DOK6: variants seen among roughly 807,000 people sequenced by gnomAD.
The protein encoded by DOK6 is downstream of tyrosine kinase 6.
A neutral mutation model predicts 44.0 loss-of-function variants in DOK6; 22 were observed. The observed-to-expected ratio is 0.50, with a 90% CI of 0.36 to 0.71. DOK6 has a LOEUF of 0.71. Among genes scored for constraint, DOK6 ranks in the 30% least tolerant of loss-of-function variants. DOK6 has a pLI of 0.00. For synonymous variants in DOK6, 166 were observed against 145.5 expected (o/e 1.14, Z -1.01); for missense variants, 340 against 416.4 (o/e 0.82, Z 1.60).
chr18:69,645,312 T>C (rs1254806463), intron 3 of DOK6, among the ~76,000 whole-genome samples: 4 of 152,204 alleles, frequency 2.6e-5, no homozygotes, highest in Non-Finnish European at 5.9e-5. Context: ...CGAACCTGTT[T>C]TCCATCTCTC....
intron 6 of DOK6, among the ~76,000 whole-genome samples, chr18:69,747,704 A>C (rs1979035427): frequency 6.6e-6 from 1 of 152,124 alleles, no homozygotes; most frequent in Non-Finnish European, 1.5e-5. Flanking sequence ...TACCTTGAGC[A>C]AATTCTTGAA....
Position 69,842,861 on chromosome 18 carries a change from A to G in DOK6, c.*1478A>G, listed in dbSNP as rs1459520094. 6.6e-6 allele frequency: 1 copy of G among 152,198 alleles called. No homozygotes were observed. The highest frequency in any genetic ancestry group is 1.5e-5 in the Non-Finnish European group (1 of 68,020). 9.4% of individuals were successfully genotyped at this position (152,198 alleles called of 1,614,324 possible). A position where few individuals can be genotyped will look rare whatever the true frequency, so the allele number is the denominator to read the frequency against. The stretch of plus-strand genomic sequence containing the variant: ...ATACTCTAGGGTGGGTTTAAAGAAC[A>G]GTGAGCTCAGGTCACGCAAGATGAA... On this transcript the variant is annotated 3_prime_UTR_variant, in exon 8 of 8. Coordinates refer to ENST00000382713, the MANE Select transcript of DOK6 (RefSeq NM_152721.6).
chr18:69,808,505 T>C (rs780538456), intron 7 of DOK6, among the ~76,000 whole-genome samples: 4 of 151,838 alleles, frequency 2.6e-5, no homozygotes, highest in Non-Finnish European at 5.9e-5. Context: ...GTTGGTTGTT[T>C]TTGAAAGATA....
At chr18:69,526,344 A>T (rs542014080) in intron 1 of DOK6, among the ~76,000 whole-genome samples, 12 of 152,306 alleles carry the variant, frequency 7.9e-5, no homozygotes, top group African/African-American at 2.9e-4. Flanking sequence ...GTCAGCTTTT[A>T]TAACTGACTC....
intron 1 of DOK6, among the ~76,000 whole-genome samples, chr18:69,521,004 C>G (rs1981669889): frequency 6.6e-6 from 1 of 151,808 alleles, no homozygotes; most frequent in Non-Finnish European, 1.5e-5. Flanking sequence ...ATGGTAATAA[C>G]AGTAAAGATT....
chr18:69,832,658 G>A (rs897934679), intron 7 of DOK6: 1 of 151,814 alleles, frequency 6.6e-6, no homozygotes, highest in East Asian at 1.9e-4. Flanking sequence ...CTTTTCTTTG[G>A]TGGAAGACTT....
At chr18:69,439,007 G>C (rs1336793167) in intron 1 of DOK6, among the ~76,000 whole-genome samples, 1 of 152,132 alleles carries the variant, frequency 6.6e-6, no homozygotes, top group Non-Finnish European at 1.5e-5. Context: ...GGGAGATGGA[G>C]GCTGCATTGA....
At chr18:69,512,887 G>A (rs1187139418) in intron 1 of DOK6, among the ~76,000 whole-genome samples, 2 of 152,224 alleles carry the variant, frequency 1.3e-5, no homozygotes, top group Admixed American at 6.5e-5. Flanking sequence ...AAACTGGTAT[G>A]TGGATTGCAG....
chr18:69,528,179 A>C (rs560228545), intron 1 of DOK6, among the ~76,000 whole-genome samples: 6 of 151,794 alleles, frequency 4.0e-5, no homozygotes, highest in African/African-American at 1.2e-4. Context: ...AAAAAAAAAA[A>C]AGCTTCACCT....
intron 3 of DOK6, among the ~76,000 whole-genome samples, chr18:69,624,607 C>G (rs1984514580): frequency 6.6e-6 from 1 of 152,040 alleles, no homozygotes; most frequent in African/African-American, 2.4e-5. Flanking sequence ...AAAAGCTAAG[C>G]CAGAGATGTA....
chr18:69,625,104 C>T (rs1984528162), intron 3 of DOK6, among the ~76,000 whole-genome samples: 2 of 151,976 alleles, frequency 1.3e-5, no homozygotes, highest in African/African-American at 4.8e-5. Flanking sequence ...TGGCATCTTC[C>T]GTGTCCTTAA....
intron 3 of DOK6, among the ~76,000 whole-genome samples, chr18:69,633,675 A>G (rs967371844): frequency 2.2e-4 from 33 of 152,190 alleles, no homozygotes; most frequent in African/African-American, 8.0e-4. Flanking sequence ...AACTTATGAA[A>G]CAGAAGTTTA....
At chr18:69,560,587 T>A (rs1982805042) in intron 1 of DOK6, among the ~76,000 whole-genome samples, 1 of 151,698 alleles carries the variant, frequency 6.6e-6, no homozygotes, top group Admixed American at 6.6e-5. Flanking sequence ...TTGAAAACTT[T>A]AAAACTATAC....
chr18:69,508,175 A>G (rs1002989600), intron 1 of DOK6, among the ~76,000 whole-genome samples: 7 of 152,280 alleles, frequency 4.6e-5, no homozygotes, highest in African/African-American at 1.7e-4. Flanking sequence ...ATAGCCTTCA[A>G]TGTTGAACCA....
At chr18:69,459,860 T>C (rs1322816785) in intron 1 of DOK6, among the ~76,000 whole-genome samples, 5 of 152,198 alleles carry the variant, frequency 3.3e-5, no homozygotes, top group Admixed American at 6.5e-5. Context: ...CCCAACCCAA[T>C]TTTGGTGTTA....
intron 5 of DOK6, among the ~76,000 whole-genome samples, chr18:69,731,801 A>G (rs1344823232): frequency 1.3e-5 from 2 of 152,222 alleles, no homozygotes; most frequent in African/African-American, 4.8e-5. Flanking sequence ...TGGCAGTTAA[A>G]TTCACGTTAA....
intron 7 of DOK6, among the ~76,000 whole-genome samples, chr18:69,762,842 A>G (rs1261497298): frequency 6.6e-6 from 1 of 152,224 alleles, no homozygotes; most frequent in African/African-American, 2.4e-5. Flanking sequence ...ACACACGTAA[A>G]GATTGACATA....
At chr18:69,766,122 A>T (rs572946559) in intron 7 of DOK6, among the ~76,000 whole-genome samples, 1 of 152,344 alleles carries the variant, frequency 6.6e-6, no homozygotes, top group African/African-American at 2.4e-5. Context: ...TTGTAGCAAC[A>T]TGGATGTAGC....
intron 3 of DOK6, among the ~76,000 whole-genome samples, chr18:69,620,874 A>G (rs890743812): frequency 2.0e-5 from 3 of 152,190 alleles, no homozygotes; most frequent in African/African-American, 7.2e-5. Context: ...AAGAAACTTC[A>G]AAATGTTTTT....
Sources: gnomAD v4.1 joint callset for allele counts (sites outside exome capture counted in the v4.1 genomes callset) on GRCh38, gnomAD v4.1.1 for gene constraint, MANE v1.5 for transcripts, NCBI Gene and HGNC (gene_info 2026-07-23, HGNC 2026-07-21) for gene names.